The following PLSCR5 variants were observed in gnomAD, a reference collection of about 807,000 sequenced individuals.
PLSCR5 encodes phospholipid scramblase family, member 5.
A neutral mutation model predicts 33.6 loss-of-function variants in PLSCR5; 44 were observed. The ratio of observed to expected loss-of-function variants is 1.31; its 90% CI spans 1.03 to 1.69. The LOEUF is 1.69. PLSCR5 is among the 40% of genes most tolerant of loss of function. The pLI, the probability that PLSCR5 is intolerant of heterozygous loss-of-function variation, is 0.00. For synonymous variants in PLSCR5, 148 were observed against 112.3 expected (o/e 1.32, Z -2.01); for missense variants, 375 against 318.7 (o/e 1.18, Z -1.34).
chr3:146,602,404 G>C (rs2044825548), intron 1 of PLSCR5, among the ~76,000 whole-genome samples: 2 of 152,098 alleles, frequency 1.3e-5, no homozygotes, highest in South Asian at 4.1e-4. Context: ...GCAAAATTAT[G>C]ATATAGGGAA....
At chr3:146,600,917 G>T (rs1031250875) in intron 1 of PLSCR5, among the ~76,000 whole-genome samples, 2 of 147,228 alleles carry the variant, frequency 1.4e-5, no homozygotes, top group Non-Finnish European at 3.0e-5. Flanking sequence ...CATACAAATC[G>T]ATGTTACTTG....
At position 146,586,010 on chromosome 3, in the gene PLSCR5, T is replaced by A. The variant is rs1251140251; in HGVS notation, c.*44+20A>T. 14 of 1,419,590 alleles carry A rather than the reference T, an allele frequency of 9.9e-6. No homozygotes were observed. Among genetic ancestry groups the A allele is most frequent in the Non-Finnish European group, 1.3e-5 (14 of 1,070,896 alleles). 87.9% of individuals were successfully genotyped at this position (1,419,590 alleles called of 1,614,324 possible). A position where few individuals can be genotyped will look rare whatever the true frequency, so the allele number is the denominator to read the frequency against. ...CATCTTCAAAGGGAAAGAGATCATTTAAACTTGCTTTTTACTTACTGAAAT... is the reference window on the plus strand; with the variant it reads ...CATCTTCAAAGGGAAAGAGATCATTAAAACTTGCTTTTTACTTACTGAAAT... On this transcript the variant is annotated intron_variant, in intron 7 of 7. Transcript: ENST00000443512.
chr3:146,600,491 T>C (rs1418221916), intron 1 of PLSCR5, 28 bp from the exon 2 acceptor site: 3 of 1,529,896 alleles, frequency 2.0e-6, no homozygotes, highest in Admixed American at 3.9e-5. Context: ...TCCCAATCCA[T>C]ATTTAAATTT....
intron 2 of PLSCR5, 66 bp downstream of exon 2, chr3:146,600,222 C>T: frequency 8.4e-7 from 1 of 1,188,720 alleles, no homozygotes; most frequent in Non-Finnish European, 1.1e-6. Context: ...ATTGAAAAGC[C>T]AGAAAGAAAG....
intron 7 of PLSCR5, among the ~76,000 whole-genome samples, chr3:146,580,030 A>G (rs2044623101): frequency 6.6e-6 from 1 of 152,076 alleles, no homozygotes; most frequent in Non-Finnish European, 1.5e-5. Context: ...CACATATTCA[A>G]CTCATGCGTT....
rs1460024724 is a variant in PLSCR5, at chr3:146,605,328, C to T, written c.-116G>A. 2.6e-6 allele frequency: 4 copies of T among 1,563,916 alleles called. No individual in the cohort carries two copies. In the Admixed American group the frequency reaches 5.6e-5, roughly 22 times the overall value. On this transcript the variant is annotated 5_prime_UTR_variant, in exon 1 of 8. Transcript: ENST00000443512. ...AAAACTTCAGAACGTGTTTGTCTGC[C>T]TCTTGTCAGCTTACATATAACAGAG...
chr3:146,603,886 A>G (rs2044841093), intron 1 of PLSCR5, among the ~76,000 whole-genome samples: 1 of 152,086 alleles, frequency 6.6e-6, no homozygotes. Flanking sequence ...TGTTAAATTC[A>G]TGATTTTGCT....
Position 146,600,596 on chromosome 3 carries a change from C to T in PLSCR5, c.14-133G>A, listed in dbSNP as rs538295156. On this transcript the variant is annotated intron_variant, in intron 1 of 7. Transcript: ENST00000443512. ...CTCTCATTTTAATGCCCTTTTCCTT[C>T]TTTTCACTACTCACTGCCATTATTA... is the stretch of plus-strand genomic sequence containing the variant. 7.2e-5 allele frequency: 66 copies of T among 912,306 alleles called. No homozygotes were observed. In the East Asian group the frequency reaches 2.0e-3, roughly 28 times the overall value. The allele number at this position is 912,306 out of a possible 1,614,324, so 56.5% of individuals were successfully genotyped here.
In PLSCR5 at chr3:146,600,411, G is replaced by A. The variant is rs370926969; in HGVS notation, c.66C>T (p.Asp22=). 172 of 1,605,826 alleles carry A rather than the reference G, an allele frequency of 1.1e-4. No individual in the cohort carries two copies. Among genetic ancestry groups the A allele is most frequent in the Middle Eastern group, 6.6e-4 (4 of 6,020 alleles). ...AAGAGGCAGGAAGGCTTTGGTCTGG[G>A]TCTGGAGCTCCAGGAAGAAAACCAG... The part of the protein sequence containing the change: ...GLPGFLPGAP[D]PDQSLPASSN... Residue 22 remains aspartate, a synonymous_variant, in exon 2 of 8, where the codon GAC becomes GAT. Transcript: ENST00000443512.
At chr3:146,592,026 G>T in intron 4 of PLSCR5, 145 bp from the exon 5 acceptor site, 1 of 767,992 alleles carries the variant, frequency 1.3e-6, no homozygotes, top group Non-Finnish European at 2.0e-6. Flanking sequence ...TGCTTCTAAG[G>T]ATACAGATTT....
rs2044664173 is a variant in PLSCR5 at position 146,586,094 on chromosome 3, G to A, written c.796C>T (p.His266Tyr). The change falls in exon 7 of 8, where the codon CAT becomes TAT. Residue 266 changes from histidine (H) to tyrosine (Y), a missense_variant. Coordinates refer to ENST00000443512, the MANE Select transcript of PLSCR5 (RefSeq NM_001085420.2). ...CFLFDFMFFE[H>Y]SLAGL is the part of the protein sequence containing the mutation. ...GGTTATTATAATCCAGCCAGTGAAT[G>A]TTCAAAGAACATAAAATCCTACAAA... The A allele has an allele frequency of 6.7e-7, 1 of 1,485,470 alleles. No homozygotes were observed. The highest frequency in any genetic ancestry group is 9.0e-7 in the Non-Finnish European group (1 of 1,114,826). The allele number at this position is 1,485,470 out of a possible 1,614,324, so 92.0% of individuals were successfully genotyped here.
At chr3:146,601,666 A>G (rs1424838887) in intron 1 of PLSCR5, among the ~76,000 whole-genome samples, 1 of 152,204 alleles carries the variant, frequency 6.6e-6, no homozygotes, top group East Asian at 1.9e-4. Context: ...CATTACTCAT[A>G]TACCAAAATT....
intron 1 of PLSCR5, among the ~76,000 whole-genome samples, chr3:146,601,529 C>T (rs1001231265): frequency 2.6e-5 from 4 of 151,912 alleles, no homozygotes; most frequent in Admixed American, 6.6e-5. Context: ...TGAGAAGGGC[C>T]GTTATGAAGA....
At chr3:146,587,403 G>T (rs1477023168) in intron 6 of PLSCR5, among the ~76,000 whole-genome samples, 1 of 152,164 alleles carries the variant, frequency 6.6e-6, no homozygotes, top group Non-Finnish European at 1.5e-5. Flanking sequence ...TCCAATTTTG[G>T]CAGTACATTT....
chr3:146,598,938 C>T (rs1028123387), intron 2 of PLSCR5, among the ~76,000 whole-genome samples: 1 of 152,180 alleles, frequency 6.6e-6, no homozygotes, highest in African/African-American at 2.4e-5. Flanking sequence ...CAGCTTAAAC[C>T]CTATCAGGCA....
chr3:146,585,498 T>C (rs73156936), downstream of PLSCR5, among the ~76,000 whole-genome samples: 23,332 of 152,138 alleles, frequency 0.15, 1,953 homozygotes, highest in Non-Finnish European at 0.19. Flanking sequence ...TTTAGATATA[T>C]TATTTACCCA....
At chr3:146,593,870 C>T (rs763379219) in intron 4 of PLSCR5, 50 bp downstream of exon 4, 4 of 1,537,652 alleles carry the variant, frequency 2.6e-6, no homozygotes. Flanking sequence ...TTTAAAGAAA[C>T]AAATGCTAAT....
chr3:146,583,370 A>G (rs776905169), downstream of PLSCR5, among the ~76,000 whole-genome samples: 2 of 152,152 alleles, frequency 1.3e-5, no homozygotes, highest in Non-Finnish European at 2.9e-5. Flanking sequence ...AGTTTTTCCC[A>G]GTAAACACAG....
At chr3:146,596,939 A>G (rs2044766251) in intron 2 of PLSCR5, among the ~76,000 whole-genome samples, 1 of 152,188 alleles carries the variant, frequency 6.6e-6, no homozygotes, top group South Asian at 2.1e-4. Context: ...TAGAAAAAAA[A>G]TACTAGACCA....
Sources: allele counts gnomAD v4.1 joint callset (sites outside exome capture counted in the v4.1 genomes callset), GRCh38; gene constraint gnomAD v4.1.1; transcripts MANE v1.5; gene names NCBI Gene and HGNC (gene_info 2026-07-23, HGNC 2026-07-21).